ZFHX3: variants seen among roughly 807,000 people sequenced by gnomAD.
ZFHX3 encodes the protein zinc finger homeobox protein 3.
ZFHX3 carries 42 observed loss-of-function variants against 279.1 expected under a neutral mutation model. The observed-to-expected ratio is 0.15, with a 90% confidence interval of 0.12 to 0.19. The LOEUF is 0.19. ZFHX3 is among the 10% of genes least tolerant of loss of function. ZFHX3 has a pLI of 1.00. For synonymous variants in ZFHX3, 2,293 were observed against 1,957.8 expected, an observed-to-expected ratio of 1.17 and a Z score of -4.52; for missense variants, 4,981 against 4,754.0, an observed-to-expected ratio of 1.05 and a Z score of -1.40.
At position 72,800,579 on chromosome 16, in the gene ZFHX3, G is replaced by C. The variant is rs145297941; in HGVS notation, c.3865-450C>G. Among the ~76,000 whole-genome samples, 3 of 152,272 alleles carry C rather than the reference G, an allele frequency of 2.0e-5. No homozygotes were observed. The East Asian group carries it at 5.8e-4, about 29-fold the overall frequency. On this transcript the variant is annotated intron_variant, in intron 7 of 9. Coordinates refer to ENST00000268489, the MANE Select transcript of ZFHX3 (RefSeq NM_006885.4). The stretch of plus-strand genomic sequence containing the variant: ...AGCATTGTAGTACTGTTTTCAGAAC[G>C]TATTCAGGCAAGAGGAGGAGGGGAG...
rs139239677 is a variant in ZFHX3 at position 72,804,805 on chromosome 16, G to A, written c.3865-4676C>T. On this transcript the variant is annotated intron_variant, in intron 7 of 9. Transcript: ENST00000268489. The stretch of plus-strand genomic sequence containing the variant: ...ACGCCAATCCCTGCAGGTCACAGAT[G>A]TGGAAGGGCCAATATAACACCCTGT... Among the ~76,000 whole-genome samples, 4 of 152,210 alleles carry A rather than the reference G, an allele frequency of 2.6e-5. No individual in the cohort carries two copies. The East Asian group carries it at 7.8e-4, about 30-fold the overall frequency.
At position 73,784,640 on chromosome 16, in the gene ZFHX3, G is replaced by T. The variant is rs371568446; in HGVS notation, c.-1607-104400C>A. On this transcript the variant is annotated intron_variant, in intron 1 of 17. Coordinates refer to the ZFHX3 transcript ENST00000641206. The stretch of plus-strand genomic sequence containing the variant: ...CACGTGCCTGTAGCCCCAGCTACTC[G>T]GGAGGCTGAGGCAGGAAAATTGCTT... Among the ~76,000 whole-genome samples the T allele has an allele frequency of 8.2e-3, 1,245 of 151,782 alleles. 17 individuals carry two copies. Among genetic ancestry groups the T allele is most frequent in the African/African-American group, 0.029 (1,193 of 41,360 alleles).
At chr16:73,049,808 T>G (rs1460450139), upstream of ZFHX3, among the ~76,000 whole-genome samples, 2 of 152,162 alleles carry the variant, frequency 1.3e-5, no homozygotes, top group Non-Finnish European at 2.9e-5. Context: ...CCACCTGACT[T>G]CAGGCCCAAG....
rs1027494975 is a variant in ZFHX3 at position 72,785,866 on chromosome 16, G to A, written c.*1298C>T. 2.6e-5 allele frequency: 4 copies of A among 152,078 alleles called. No individual in the cohort carries two copies. Among genetic ancestry groups the A allele is most frequent in the Non-Finnish European group, 4.4e-5 (3 of 67,996 alleles). 9.4% of individuals were successfully genotyped at this position (152,078 alleles called of 1,614,324 possible). On this transcript the variant is annotated 3_prime_UTR_variant, in exon 10 of 10. Coordinates refer to ENST00000268489, the MANE Select transcript of ZFHX3 (RefSeq NM_006885.4). ...GATAAATAAAAAATAAATGCACAAA[G>A]CTAACAGACACAGGTAACTAGAATT... is the stretch of plus-strand genomic sequence containing the variant.
chr16:73,104,877 A>C (rs139011544), intron 7 of ZFHX3, among the ~76,000 whole-genome samples: 1 of 152,064 alleles, frequency 6.6e-6, no homozygotes, highest in Non-Finnish European at 1.5e-5. Flanking sequence ...CCATCATCAT[A>C]TGGCTGAATG....
intron 1 of ZFHX3, among the ~76,000 whole-genome samples, chr16:73,006,779 G>A (rs1000038237): frequency 4.6e-5 from 7 of 152,206 alleles, no homozygotes; most frequent in East Asian, 3.9e-4. Context: ...CATAGATCCC[G>A]AAAATCTGAG....
chr16:73,105,118 T>C (rs570967922), intron 7 of ZFHX3, among the ~76,000 whole-genome samples: 128 of 152,158 alleles, frequency 8.4e-4, no homozygotes, highest in Non-Finnish European at 1.5e-3. Flanking sequence ...CAGTTTTTTG[T>C]TGCTGGGCCA....
intron 3 of ZFHX3, among the ~76,000 whole-genome samples, chr16:72,932,617 C>T (rs1311660143): frequency 1.4e-5 from 2 of 145,250 alleles, no homozygotes; most frequent in Admixed American, 1.4e-4. Context: ...CGGTCATAAT[C>T]TCTCTTCAGG....
intron 1 of ZFHX3, among the ~76,000 whole-genome samples, chr16:73,822,880 C>T (rs1960787921): frequency 1.3e-5 from 2 of 152,310 alleles, no homozygotes; most frequent in South Asian, 4.1e-4. Flanking sequence ...TTATACAAAA[C>T]CCAGAGCCAG....
intron 3 of ZFHX3, among the ~76,000 whole-genome samples, chr16:73,455,771 GCAGTTAC>G (rs2018361003): frequency 6.7e-6 from 1 of 149,188 alleles, no homozygotes; most frequent in Non-Finnish European, 1.5e-5. Flanking sequence ...TTGTTAAGAA[GCAGTTAC>G]CAATTTATTT....
intron 2 of ZFHX3, among the ~76,000 whole-genome samples, chr16:73,471,225 T>G (rs1334785481): frequency 1.3e-5 from 2 of 152,224 alleles, no homozygotes; most frequent in Non-Finnish European, 2.9e-5. Flanking sequence ...GCTTTTGCTC[T>G]TGGGCTGTTT....
chr16:73,813,223 TTCTCTTTC>T (rs969303955), intron 1 of ZFHX3, among the ~76,000 whole-genome samples: 2 of 125,770 alleles, frequency 1.6e-5, no homozygotes, highest in African/African-American at 8.2e-5. Flanking sequence ...CCCTACCTCT[TTCTCTTTC>T]TCTCTCTCTC....
intron 2 of ZFHX3, among the ~76,000 whole-genome samples, chr16:73,530,377 G>A (rs1376192137): frequency 6.6e-6 from 1 of 152,122 alleles, no homozygotes; most frequent in Non-Finnish European, 1.5e-5. Flanking sequence ...TGGGAACACA[G>A]CCAAACGGAA....
At chr16:73,012,196 C>T (rs1963940541) in intron 1 of ZFHX3, among the ~76,000 whole-genome samples, 1 of 152,196 alleles carries the variant, frequency 6.6e-6, no homozygotes, top group African/African-American at 2.4e-5. Flanking sequence ...GGAATAGGTA[C>T]AACTAACGGG....
intron 2 of ZFHX3, among the ~76,000 whole-genome samples, chr16:73,515,463 A>AGAT (rs2019503297): frequency 7.4e-6 from 1 of 135,308 alleles, no homozygotes; most frequent in Admixed American, 6.9e-5. Flanking sequence ...AGAGAGAGAT[A>AGAT]GATAAGAGAG....
chr16:72,924,737 T>C (rs1365230022), intron 3 of ZFHX3, among the ~76,000 whole-genome samples: 1 of 152,226 alleles, frequency 6.6e-6, no homozygotes, highest in African/African-American at 2.4e-5. Context: ...TGATTAATTC[T>C]GTCATGGGTT....
chr16:73,320,511 G>A (rs1034672275), intron 3 of ZFHX3, among the ~76,000 whole-genome samples: 4 of 152,160 alleles, frequency 2.6e-5, no homozygotes, highest in African/African-American at 9.7e-5. Context: ...TTTGGAAATC[G>A]GGTTTCCTGT....
intron 2 of ZFHX3, among the ~76,000 whole-genome samples, chr16:73,512,453 A>AG (rs2019449610): frequency 6.7e-6 from 1 of 149,770 alleles, no homozygotes; most frequent in Admixed American, 6.6e-5. Context: ...TCTCAAAAGA[A>AG]AAAAAAAAAA....
intron 1 of ZFHX3, among the ~76,000 whole-genome samples, chr16:73,759,510 G>C (rs905080666): frequency 6.6e-6 from 1 of 152,194 alleles, no homozygotes; most frequent in Non-Finnish European, 1.5e-5. Flanking sequence ...AAATAGGAAA[G>C]ACAGAGAGCT....
Sources: allele counts gnomAD v4.1 joint callset (sites outside exome capture counted in the v4.1 genomes callset), GRCh38; gene constraint gnomAD v4.1.1; transcripts MANE v1.5; gene names NCBI Gene and HGNC (gene_info 2026-07-23, HGNC 2026-07-21).